TNIK: variants seen among roughly 807,000 people sequenced by gnomAD.
The protein encoded by TNIK is TRAF2 and NCK-interacting protein kinase.
A neutral mutation model predicts 191.3 loss-of-function variants in TNIK; 49 were observed. The ratio of observed to expected loss-of-function variants is 0.26; its 90% CI spans 0.20 to 0.32. TNIK has a LOEUF of 0.32. Among genes scored for constraint, TNIK ranks in the 10% least tolerant of loss-of-function variants. The probability of loss-of-function intolerance (pLI) is 1.00; values close to 1 mark genes in which losing one functional copy is unlikely to be tolerated. For missense variants in TNIK, 1,155 were observed against 1,702.3 expected (o/e 0.68, Z 5.66); for synonymous variants, 594 against 600.9 (o/e 0.99, Z 0.17).
intron 23 of TNIK, among the ~76,000 whole-genome samples, chr3:171,089,497 A>G (rs764808859): frequency 2.6e-5 from 4 of 152,146 alleles, no homozygotes; most frequent in Non-Finnish European, 5.9e-5. Flanking sequence ...ACTCTTTCTC[A>G]AGCCAAAAAC....
At chr3:171,326,703 A>C (rs1176967884) in intron 2 of TNIK, among the ~76,000 whole-genome samples, 5 of 152,206 alleles carry the variant, frequency 3.3e-5, no homozygotes, top group Non-Finnish European at 7.3e-5. Context: ...AAAAAATTCC[A>C]GATAATGCAA....
chr3:171,151,640 A>G (rs527381098), intron 12 of TNIK, among the ~76,000 whole-genome samples: 13 of 152,344 alleles, frequency 8.5e-5, no homozygotes, highest in Non-Finnish European at 1.8e-4. Context: ...CAGGTCACAC[A>G]CCTAATAAGG....
rs535015207 is a variant in TNIK at position 171,284,253 on chromosome 3, G to A, written c.124-56032C>T. Among the ~76,000 whole-genome samples the A allele has an allele frequency of 1.1e-4, 16 of 152,250 alleles. No homozygotes were observed. In the South Asian group the frequency reaches 3.3e-3, roughly 32 times the overall value. ...TCATGAAAAAATAGCTTTGGAAACA[G>A]CATCTGGATATTAGGCAAAAATATG... On this transcript the variant is annotated intron_variant, in intron 2 of 32. Transcript: ENST00000436636.
intron 2 of TNIK, among the ~76,000 whole-genome samples, chr3:171,307,957 T>C (rs913136498): frequency 1.3e-5 from 2 of 152,144 alleles, no homozygotes; most frequent in African/African-American, 4.8e-5. Flanking sequence ...ACTTGAAAAA[T>C]CTATCACTGG....
rs369408271 is a variant in TNIK, at chr3:171,082,284, G to A, written c.3280C>T (p.Leu1094=). The A allele has an allele frequency of 2.1e-5, 34 of 1,613,522 alleles. No homozygotes were observed. The African/African-American group carries it at 3.9e-4, about 18-fold the overall frequency. Residue 1094 remains leucine (L), a synonymous_variant, in exon 27 of 33, where the codon CTA becomes TTA. Coordinates refer to ENST00000436636, the MANE Select transcript of TNIK (RefSeq NM_015028.4). ...NRRRFQQMDV[L]EGLNVLVTIS... ...GTCACAAGGACATTCAGTCCCTCTA[G>A]CACATCCATCTGCTGAAATCGCCTC...
At chr3:171,457,531 G>A (rs1175763165) in intron 1 of TNIK, among the ~76,000 whole-genome samples, 2 of 152,166 alleles carry the variant, frequency 1.3e-5, no homozygotes, top group Non-Finnish European at 2.9e-5. Context: ...TTTACCAAGG[G>A]CTTAGGAACA....
At chr3:171,179,798 A>G (rs1317272488) in intron 7 of TNIK, among the ~76,000 whole-genome samples, 3 of 152,202 alleles carry the variant, frequency 2.0e-5, no homozygotes, top group Admixed American at 1.3e-4. Flanking sequence ...ATTTCGGAAC[A>G]TGAGAGAAAC....
rs566333248 is a variant in TNIK, at chr3:171,286,341, A to G, written c.124-58120T>C. On this transcript the variant is annotated intron_variant, in intron 2 of 32. Coordinates refer to ENST00000436636, the MANE Select transcript of TNIK (RefSeq NM_015028.4). ...TTACATGGAAATTCAATAGGGAAGG[A>G]TCTATTCAGGTATCTCTGGAAGAAG... is the stretch of plus-strand genomic sequence containing the variant. Among the ~76,000 whole-genome samples, 3 of 152,344 alleles carry G rather than the reference A, an allele frequency of 2.0e-5. No individual in the cohort carries two copies. In the South Asian group the frequency reaches 6.2e-4, roughly 32 times the overall value.
intron 2 of TNIK, among the ~76,000 whole-genome samples, chr3:171,317,079 GATA>G (rs1754718902): frequency 6.6e-6 from 1 of 150,966 alleles, no homozygotes. Flanking sequence ...ACTTAAATAG[GATA>G]ATATCACAGG....
At chr3:171,213,019 C>T (rs748244833) in intron 3 of TNIK, among the ~76,000 whole-genome samples, 2 of 151,834 alleles carry the variant, frequency 1.3e-5, no homozygotes, top group Admixed American at 6.6e-5. Flanking sequence ...AGCATGTGGC[C>T]GAAACAGTGG....
At chr3:171,422,592 A>G (rs557516864) in intron 1 of TNIK, among the ~76,000 whole-genome samples, 2 of 152,206 alleles carry the variant, frequency 1.3e-5, no homozygotes, top group Non-Finnish European at 2.9e-5. Context: ...AAATAAACTT[A>G]CTTTTGGAAA....
At chr3:171,288,662 G>A (rs1179845886) in intron 2 of TNIK, among the ~76,000 whole-genome samples, 2 of 152,010 alleles carry the variant, frequency 1.3e-5, no homozygotes, top group African/African-American at 2.4e-5. Flanking sequence ...CAAAAAATTA[G>A]CCTGGTGTGG....
chr3:171,071,847 T>G (rs1359682583), intron 28 of TNIK, among the ~76,000 whole-genome samples: 1 of 152,166 alleles, frequency 6.6e-6, no homozygotes, highest in African/African-American at 2.4e-5. Context: ...AGTCTTGGGT[T>G]CTGTTAGTGG....
intron 2 of TNIK, among the ~76,000 whole-genome samples, chr3:171,350,532 T>C (rs1026041050): frequency 7.0e-6 from 1 of 142,962 alleles, no homozygotes; most frequent in Non-Finnish European, 1.5e-5. Context: ...GAAAATTAAC[T>C]ACTGCAATTA....
intron 2 of TNIK, among the ~76,000 whole-genome samples, chr3:171,252,478 C>G (rs1360691626): frequency 4.6e-5 from 7 of 152,182 alleles, no homozygotes; most frequent in Admixed American, 1.3e-4. Flanking sequence ...CTGAAAGTGT[C>G]ATAAATTTCC....
At chr3:171,170,884 T>C (rs1481066010) in intron 9 of TNIK, among the ~76,000 whole-genome samples, 7 of 152,046 alleles carry the variant, frequency 4.6e-5, no homozygotes, top group African/African-American at 1.7e-4. Flanking sequence ...GACGGTCTCT[T>C]TATAAACAAT....
chr3:171,286,181 G>C (rs1315404189), intron 2 of TNIK, among the ~76,000 whole-genome samples: 1 of 152,130 alleles, frequency 6.6e-6, no homozygotes, highest in Non-Finnish European at 1.5e-5. Flanking sequence ...AAAAGATTAG[G>C]TTAGCTATTA....
intron 1 of TNIK, among the ~76,000 whole-genome samples, chr3:171,372,375 G>T (rs886118194): frequency 2.6e-5 from 4 of 152,226 alleles, no homozygotes; most frequent in African/African-American, 7.2e-5. Flanking sequence ...ATATCAGATG[G>T]GTTCCCCAGG....
intron 26 of TNIK, 68 bp from the exon 27 acceptor site, chr3:171,082,462 T>C: frequency 6.5e-7 from 1 of 1,540,624 alleles, no homozygotes; most frequent in Non-Finnish European, 8.7e-7. Flanking sequence ...CGAGAGTCCC[T>C]ATAAAATTTA....
Sources: gnomAD v4.1 joint callset for allele counts (sites outside exome capture counted in the v4.1 genomes callset) on GRCh38, gnomAD v4.1.1 for gene constraint, MANE v1.5 for transcripts, NCBI Gene and HGNC (gene_info 2026-07-23, HGNC 2026-07-21) for gene names.